ADCY9: variants seen among roughly 807,000 people sequenced by gnomAD.
ADCY9 encodes adenylate cyclase 9.
ADCY9 carries 50 observed loss-of-function variants against 101.5 expected under a neutral mutation model. The observed-to-expected ratio is 0.49, with a 90% CI of 0.39 to 0.62. The LOEUF is 0.62. ADCY9 is among the 20% of genes least tolerant of loss of function. The pLI is 0.00. For missense variants in ADCY9, 1,662 were observed against 1,800.4 expected (o/e 0.92, Z 1.39); for synonymous variants, 905 against 769.3 (o/e 1.18, Z -2.92).
chr16:3,988,654 G>A (rs2056217968), intron 6 of ADCY9, among the ~76,000 whole-genome samples: 1 of 132,938 alleles, frequency 7.5e-6, no homozygotes, highest in African/African-American at 2.8e-5. Context: ...GCAGGTGGGG[G>A]GGTTTCCTTC....
intron 2 of ADCY9, among the ~76,000 whole-genome samples, chr16:4,077,049 C>G (rs1250170759): frequency 6.7e-6 from 1 of 149,788 alleles, no homozygotes; most frequent in Non-Finnish European, 1.5e-5. Context: ...TGCATTCCAG[C>G]CTGGGGGACA....
intron 2 of ADCY9, among the ~76,000 whole-genome samples, chr16:4,007,894 T>C (rs11643596): frequency 0.1 from 15,396 of 152,206 alleles, 926 homozygotes; most frequent in Admixed American, 0.14. Flanking sequence ...GCAAAGCAGA[T>C]TGGTTGACCC....
intron 3 of ADCY9, among the ~76,000 whole-genome samples, chr16:3,998,788 G>C (rs1399904324): frequency 9.0e-5 from 4 of 44,264 alleles, no homozygotes; most frequent in Admixed American, 2.3e-4. Flanking sequence ...GAAAAGAAAA[G>C]AAAAGAAAAG....
rs74003478 is a variant in ADCY9 at position 3,966,354 on chromosome 16, G to A, written c.3483C>T (p.Phe1161=). 2.1e-3 allele frequency: 3,370 copies of A among 1,614,108 alleles called. 57 individuals are homozygous for A. In the African/African-American group the frequency reaches 0.04, roughly 19 times the overall value. Residue 1161 remains phenylalanine, a synonymous_variant, in exon 11 of 11, where the codon TTC becomes TTT. Coordinates refer to ENST00000294016, the MANE Select transcript of ADCY9 (RefSeq NM_001116.4). ...CATGGTTGAAGCCGACGCGGAGCTT[G>A]AAGTTGAACCACAGCATGTTGTTGT... ...DFNNNMLWFN[F]KLRVGFNHGP...
chr16:4,031,715 G>A (rs1230783855), intron 2 of ADCY9, among the ~76,000 whole-genome samples: 1 of 150,910 alleles, frequency 6.6e-6, no homozygotes, highest in Non-Finnish European at 1.5e-5. Flanking sequence ...GAAACCACTG[G>A]CTAATACAAA....
chr16:4,057,035 ACCGCCC>A (rs766542824), intron 2 of ADCY9, among the ~76,000 whole-genome samples: 2 of 79,016 alleles, frequency 2.5e-5, no homozygotes. Context: ...TACTGATGAA[ACCGCCC>A]CCCCCCCCCC....
chr16:4,059,281 T>C (rs2056759427), intron 2 of ADCY9, among the ~76,000 whole-genome samples: 2 of 147,880 alleles, frequency 1.4e-5, no homozygotes, highest in Admixed American at 1.4e-4. Flanking sequence ...CCTGGGAGGC[T>C]GAGGCAGGAG....
At position 4,099,574 on chromosome 16, in the gene ADCY9, CA is replaced by C. The variant is rs1224898127; in HGVS notation, c.1693+14175del. On this transcript the variant is annotated intron_variant, in intron 2 of 10. Coordinates refer to ENST00000294016, the MANE Select transcript of ADCY9 (RefSeq NM_001116.4). The stretch of plus-strand genomic sequence containing the variant: ...GTTACTAAAAGGGTATGAAAGTTAT[CA>C]AAGACCACTGGGGTTGCATGAAGAG... Among the ~76,000 whole-genome samples, 3 of 152,320 alleles carry C rather than the reference CA, an allele frequency of 2.0e-5. No homozygotes were observed. The East Asian group carries it at 5.8e-4, about 29-fold the overall frequency.
chr16:3,999,550 T>G (rs1292672547), intron 3 of ADCY9, among the ~76,000 whole-genome samples: 1 of 152,304 alleles, frequency 6.6e-6, no homozygotes, highest in East Asian at 1.9e-4. Flanking sequence ...TGAGCAGCTA[T>G]GCCTGTCCTC....
intron 2 of ADCY9, 144 bp from the exon 3 acceptor site, chr16:4,007,702 C>T (rs76760526): frequency 0.031 from 20,063 of 637,100 alleles, 653 homozygotes; most frequent in African/African-American, 0.13. Context: ...TTACGACGGA[C>T]GTCCACGATC....
chr16:4,044,924 G>A (rs190294891), intron 2 of ADCY9, among the ~76,000 whole-genome samples: 160 of 152,182 alleles, frequency 1.1e-3, no homozygotes, highest in African/African-American at 3.3e-3. Context: ...ACGGGCTCCC[G>A]GCTCCCGCAC....
intron 2 of ADCY9, among the ~76,000 whole-genome samples, chr16:4,087,102 T>C (rs1044231053): frequency 6.6e-6 from 1 of 152,080 alleles, no homozygotes; most frequent in Non-Finnish European, 1.5e-5. Flanking sequence ...TGCATTCTAT[T>C]AATGTGAAAT....
At chr16:4,103,533 A>G (rs370685983) in intron 2 of ADCY9, among the ~76,000 whole-genome samples, 7 of 152,304 alleles carry the variant, frequency 4.6e-5, no homozygotes, top group African/African-American at 1.7e-4. Context: ...GCTTCACTTA[A>G]GAATGTCCCT....
intron 2 of ADCY9, among the ~76,000 whole-genome samples, chr16:4,101,625 C>T (rs536147347): frequency 6.6e-6 from 1 of 152,162 alleles, no homozygotes; most frequent in Non-Finnish European, 1.5e-5. Flanking sequence ...AGGCGTCATG[C>T]CCCAAGAGGG....
intron 2 of ADCY9, among the ~76,000 whole-genome samples, chr16:4,044,162 C>A (rs942477217): frequency 6.6e-6 from 1 of 152,074 alleles, no homozygotes; most frequent in African/African-American, 2.4e-5. Context: ...GTCTAGCCAA[C>A]ATGGTGCAAC....
At chr16:4,085,083 T>C (rs1443015152) in intron 2 of ADCY9, among the ~76,000 whole-genome samples, 1 of 152,128 alleles carries the variant, frequency 6.6e-6, no homozygotes, top group South Asian at 2.1e-4. Context: ...CACTGGAAGC[T>C]GGACGCAGTG....
intron 2 of ADCY9, among the ~76,000 whole-genome samples, chr16:4,082,640 G>A (rs1047334264): frequency 2.0e-5 from 3 of 150,244 alleles, no homozygotes; most frequent in African/African-American, 4.9e-5. Context: ...GCACACCCAC[G>A]CATGCACGCA....
chr16:4,031,011 C>T (rs182129111), intron 2 of ADCY9, among the ~76,000 whole-genome samples: 90 of 151,422 alleles, frequency 5.9e-4, no homozygotes, highest in Middle Eastern at 6.8e-3. Flanking sequence ...ATGCCAATAG[C>T]AGTAAAGAAA....
At chr16:4,003,891 C>T (rs527583271) in intron 3 of ADCY9, among the ~76,000 whole-genome samples, 13 of 152,142 alleles carry the variant, frequency 8.5e-5, no homozygotes, top group East Asian at 1.9e-4. Flanking sequence ...TTCCTTCACT[C>T]GGGCAGTATC....
Sources: allele counts gnomAD v4.1 joint callset (sites outside exome capture counted in the v4.1 genomes callset), GRCh38; gene constraint gnomAD v4.1.1; transcripts MANE v1.5; gene names NCBI Gene and HGNC (gene_info 2026-07-23, HGNC 2026-07-21).